The following TACC2 variants were observed in gnomAD, a reference collection of about 807,000 sequenced individuals.
TACC2 encodes the protein transforming acidic coiled-coil-containing protein 2.
Under a neutral mutation model 227.3 loss-of-function variants are expected in TACC2, and 137 were observed. The ratio of observed to expected loss-of-function variants is 0.60; its 90% CI spans 0.52 to 0.69. The LOEUF (loss-of-function observed/expected upper bound fraction) is 0.69. Among genes scored for constraint, TACC2 ranks in the 30% least tolerant of loss-of-function variants. TACC2 has a pLI of 0.00. For missense variants in TACC2, 3,470 were observed against 3,694.4 expected, an observed-to-expected ratio of 0.94 and a Z score of 1.57; for synonymous variants, 1,523 against 1,487.5, an observed-to-expected ratio of 1.02 and a Z score of -0.55.
intron 1 of TACC2, among the ~76,000 whole-genome samples, chr10:122,000,780 T>TTTTTG (rs1450341120): frequency 1.3e-5 from 2 of 152,074 alleles, no homozygotes; most frequent in African/African-American, 2.4e-5. Flanking sequence ...CTGTTCAATT[T>TTTTTG]TTTTGTTTTG....
chr10:122,091,135 C>G (rs951107338), intron 5 of TACC2, among the ~76,000 whole-genome samples: 4 of 152,132 alleles, frequency 2.6e-5, no homozygotes, highest in African/African-American at 9.7e-5. Context: ...TCACTTTGCT[C>G]CTGCTGAGAC....
chr10:122,230,361 A>G lies in TACC2; in HGVS notation c.8048A>G (p.Glu2683Gly). 3 of 1,614,118 alleles carry G rather than the reference A, an allele frequency of 1.9e-6. No homozygotes were observed. Among genetic ancestry groups the G allele is most frequent in the Non-Finnish European group, 2.5e-6 (3 of 1,179,994 alleles). Reference protein sequence around the residue: ...LFAQKLQEELEFAIMRIEALK... With the variant: ...LFAQKLQEELGFAIMRIEALK... ...ACTCCCTGTGGGCAGGAGGAGTTAG[A>G]GTTTGCCATCATGCGGATAGAAGCC... The change falls in exon 16 of 23, where the codon GAG (glutamate) becomes GGG (glycine). Residue 2683 changes from glutamate (E) to glycine (G), a missense_variant. Coordinates refer to ENST00000369005, the MANE Select transcript of TACC2 (RefSeq NM_206862.4).
chr10:122,205,283 C>T lies in TACC2; in HGVS notation c.5972-5114C>T, dbSNP rs2095064038. Among the ~76,000 whole-genome samples, 1 of 152,160 alleles carries T rather than the reference C, an allele frequency of 6.6e-6. No homozygotes were observed. The highest frequency in any genetic ancestry group is 2.1e-4 in the South Asian group (1 of 4,818). On this transcript the variant is annotated intron_variant, in intron 8 of 22. Coordinates refer to ENST00000369005, the MANE Select transcript of TACC2 (RefSeq NM_206862.4). The surrounding 1 kb of genome is among the most constrained non-coding windows in gnomAD (Gnocchi z 4.5). ...CCTGGGGTCTCTGTGAGATCCTGAA[C>T]ACCCACTGGTCTGAGGACAGAAGGC...
intron 5 of TACC2, among the ~76,000 whole-genome samples, chr10:122,125,496 G>A (rs143495227): frequency 1.9e-3 from 286 of 152,206 alleles, no homozygotes; most frequent in African/African-American, 5.9e-3. Context: ...CACCATGCCC[G>A]TCCCATGACC....
chr10:122,238,077 A>G, intron 18 of TACC2, 40 bp downstream of exon 18: 1 of 1,535,878 alleles, frequency 6.5e-7, no homozygotes, highest in Non-Finnish European at 9.0e-7. Context: ...CCTGAGGGAT[A>G]CTTACCTGTG....
chr10:122,011,637 C>A (rs758848071), intron 1 of TACC2, among the ~76,000 whole-genome samples: 1 of 152,102 alleles, frequency 6.6e-6, no homozygotes, highest in Non-Finnish European at 1.5e-5. Flanking sequence ...CATAGTCCCT[C>A]TCAATTCTAA....
chr10:122,042,015 G>A lies in TACC2; in HGVS notation c.34-8423G>A, dbSNP rs376133283. On this transcript the variant is annotated intron_variant, in intron 2 of 22. Coordinates refer to ENST00000369005, the MANE Select transcript of TACC2 (RefSeq NM_206862.4). The stretch of plus-strand genomic sequence containing the variant: ...GGCTGGAGTGCAGTGGCGCGATCTC[G>A]GCTCACTGCAAGCTCCACCTCCCAG... 2.6e-5 allele frequency among the ~76,000 whole-genome samples: 4 copies of A among 151,142 alleles called. No individual in the cohort carries two copies. In the East Asian group the frequency reaches 5.9e-4, roughly 22 times the overall value.
intron 2 of TACC2, among the ~76,000 whole-genome samples, chr10:122,025,060 T>G (rs1957813290): frequency 6.6e-6 from 1 of 152,214 alleles, no homozygotes; most frequent in Non-Finnish European, 1.5e-5. Flanking sequence ...CTTTGGACCC[T>G]GGCTGTCATT....
intron 7 of TACC2, among the ~76,000 whole-genome samples, chr10:122,164,156 G>A (rs1324713442): frequency 6.6e-6 from 1 of 152,228 alleles, no homozygotes; most frequent in Non-Finnish European, 1.5e-5. Context: ...TCTGGGAGGA[G>A]CATCTGGTAG....
In TACC2 at chr10:122,226,402, C is replaced by T. The variant is rs2095629657; in HGVS notation, c.7645C>T (p.Leu2549Phe). 6.2e-7 allele frequency: 1 copy of T among 1,613,962 alleles called. No homozygotes were observed. Among genetic ancestry groups the T allele is most frequent in the African/African-American group, 1.3e-5 (1 of 74,910 alleles). Reference protein sequence around the residue: ...DDAPKKQALYLMFDTSQESPV... With the variant: ...DDAPKKQALYFMFDTSQESPV... ...TGCCCCGAAGAAGCAGGCCTTGTACCTTATGTTTGACACTTCTCAGGAGAG... is the reference window on the plus strand; with the variant it reads ...TGCCCCGAAGAAGCAGGCCTTGTACTTTATGTTTGACACTTCTCAGGAGAG... The change falls in exon 13 of 23, where the codon CTT (leucine) becomes TTT (phenylalanine). Residue 2549 changes from leucine to phenylalanine, a missense_variant. Physicochemically the swap from Leu to Phe is conservative, Grantham distance 22. Around this residue, in one of 10 missense-constraint regions of TACC2, gnomAD observed 345 missense variants for 354.4 expected, o/e 0.97. Coordinates refer to ENST00000369005, the MANE Select transcript of TACC2 (RefSeq NM_206862.4).
intron 5 of TACC2, among the ~76,000 whole-genome samples, chr10:122,118,377 A>G (rs1477230144): frequency 6.6e-6 from 1 of 151,186 alleles, no homozygotes; most frequent in East Asian, 1.9e-4. Context: ...CTGGCCCAGG[A>G]CTCTGCATTC....
chr10:122,099,231 G>A (rs1172157314), intron 5 of TACC2, among the ~76,000 whole-genome samples: 2 of 152,230 alleles, frequency 1.3e-5, no homozygotes, highest in East Asian at 1.9e-4. Flanking sequence ...GGCAAGTGAC[G>A]AAGCAGCTGG....
At chr10:122,228,570 C>CCA (rs1252752624) in intron 14 of TACC2, among the ~76,000 whole-genome samples, 7 of 152,168 alleles carry the variant, frequency 4.6e-5, no homozygotes, top group Non-Finnish European at 7.3e-5. Flanking sequence ...CCACGGTCTT[C>CCA]CACACATCTG....
At chr10:122,252,514 G>A (rs564471803) in intron 22 of TACC2, among the ~76,000 whole-genome samples, 2 of 148,932 alleles carry the variant, frequency 1.3e-5, no homozygotes, top group South Asian at 4.3e-4. Flanking sequence ...TTTTTGAGAT[G>A]AAGTCTGTCT....
intron 5 of TACC2, among the ~76,000 whole-genome samples, chr10:122,121,350 C>A (rs574165790): frequency 3.3e-5 from 5 of 152,328 alleles, no homozygotes; most frequent in South Asian, 2.1e-4. Context: ...ACTCCCTCTC[C>A]AGGAAGGACT....
chr10:122,175,810 T>TA (rs1423938569), intron 7 of TACC2, among the ~76,000 whole-genome samples: 2 of 152,206 alleles, frequency 1.3e-5, no homozygotes, highest in Non-Finnish European at 2.9e-5. Context: ...TCAACGCTTG[T>TA]AATCCCAGCA....
At chr10:121,993,101 C>T (rs1057433431) in intron 1 of TACC2, among the ~76,000 whole-genome samples, 1 of 152,162 alleles carries the variant, frequency 6.6e-6, no homozygotes. Context: ...GGAAGGATCC[C>T]TTGAGCCAAG....
chr10:122,056,815 A>G (rs2076256244), intron 3 of TACC2, among the ~76,000 whole-genome samples: 1 of 152,156 alleles, frequency 6.6e-6, no homozygotes, highest in Non-Finnish European at 1.5e-5. Flanking sequence ...GTTGAGGAGA[A>G]TCTGTCAGTC....
At chr10:122,002,975 G>A (rs898045592) in intron 1 of TACC2, among the ~76,000 whole-genome samples, 8 of 152,142 alleles carry the variant, frequency 5.3e-5, no homozygotes, top group Non-Finnish European at 2.9e-5. Context: ...GGCCGAAGCA[G>A]GCGGATCACC....
Sources: gnomAD v4.1 joint callset for allele counts (sites outside exome capture counted in the v4.1 genomes callset) on GRCh38, gnomAD v4.1.1 for gene constraint, gnomAD v4.1.1 regional missense constraint, Gnocchi (gnomAD v3.1) non-coding constraint, MANE v1.5 for transcripts, NCBI Gene and HGNC (gene_info 2026-07-23, HGNC 2026-07-21) for gene names.